Variants in PTGER3 observed in about 807,000 individuals in gnomAD.
The protein encoded by PTGER3 is prostaglandin E2 receptor EP3 subtype.
Under a neutral mutation model 34.7 loss-of-function variants are expected in PTGER3, and 22 were observed. That is an observed-to-expected ratio of 0.63 (90% CI 0.45 to 0.91). The LOEUF is 0.91. PTGER3 is among the 40% of genes least tolerant of loss of function. The pLI is 0.00. For missense variants in PTGER3, 468 were observed against 519.4 expected, an observed-to-expected ratio of 0.90 and a Z score of 0.96; for synonymous variants, 241 against 230.1, an observed-to-expected ratio of 1.05 and a Z score of -0.43.
chr1:70,945,051 G>T (rs2100559025), intron 4 of PTGER3, among the ~76,000 whole-genome samples: 1 of 152,244 alleles, frequency 6.6e-6, no homozygotes, highest in African/African-American at 2.4e-5. Context: ...TAAATAACTT[G>T]ATTAAAGTCC....
At chr1:70,952,672 G>A (rs1650876835) in exon 4 of PTGER3, 15 of 1,146,730 alleles carry the variant, frequency 1.3e-5, no homozygotes, top group Non-Finnish European at 1.3e-5. Context: ...TGAACCATGT[G>A]CTATTCTTAC....
In PTGER3 at chr1:71,047,688, GC is replaced by G. The variant is rs1279562469; in HGVS notation, c.-112del. ...CGTTTACCGCGGCTGGGGCTGGGCT[GC>G]CCCCCATGGTGCGGGGCGCAGCCGC... On this transcript the variant is annotated 5_prime_UTR_variant, in exon 1 of 4. The change creates a premature stop within an existing upstream ORF in the 5' untranslated region. Coordinates refer to ENST00000306666, the MANE Select transcript of PTGER3 (RefSeq NM_198719.2). 12 of 1,287,298 alleles carry G rather than the reference GC, an allele frequency of 9.3e-6. No individual in the cohort carries two copies. In the African/African-American group the frequency reaches 9.3e-5, roughly 10 times the overall value. The allele number at this position is 1,287,298 out of a possible 1,614,324, so 79.7% of individuals were successfully genotyped here.
chr1:70,908,417 T>TA (rs1436270165), intron 4 of PTGER3, among the ~76,000 whole-genome samples: 1 of 152,164 alleles, frequency 6.6e-6, no homozygotes, highest in African/African-American at 2.4e-5. Context: ...GGTGTACTGA[T>TA]ACCTCAGCTC....
intron 1 of PTGER3, among the ~76,000 whole-genome samples, chr1:71,019,144 C>A (rs1658178389): frequency 6.6e-6 from 1 of 152,146 alleles, no homozygotes; most frequent in Non-Finnish European, 1.5e-5. Flanking sequence ...ACTGTTTAGA[C>A]TTTGAGAGAA....
intron 2 of PTGER3, chr1:71,010,471 T>C: frequency 4.1e-6 from 4 of 983,950 alleles, no homozygotes; most frequent in Non-Finnish European, 4.8e-6. Flanking sequence ...GGTGCTATAC[T>C]AGATGCTGGA....
At chr1:70,955,656 C>T (rs947220150) in intron 2 of PTGER3, among the ~76,000 whole-genome samples, 2 of 152,198 alleles carry the variant, frequency 1.3e-5, no homozygotes, top group Admixed American at 6.5e-5. Context: ...ATCCATCCTG[C>T]CCTTGTCCTC....
intron 4 of PTGER3, among the ~76,000 whole-genome samples, chr1:70,898,184 A>G (rs1005777944): frequency 6.6e-6 from 1 of 152,172 alleles, no homozygotes; most frequent in African/African-American, 2.4e-5. Flanking sequence ...GGTCTTATCA[A>G]GAAGGACTTC....
intron 2 of PTGER3, chr1:71,006,744 C>T: frequency 1.0e-6 from 1 of 985,170 alleles, no homozygotes; most frequent in Non-Finnish European, 1.2e-6. Flanking sequence ...TGTTGCATTA[C>T]ATTGTGCTAT....
intron 4 of PTGER3, among the ~76,000 whole-genome samples, chr1:70,905,916 C>T (rs11209713): frequency 0.22 from 33,563 of 151,976 alleles, 3,889 homozygotes; most frequent in South Asian, 0.27. Context: ...TCATCTTGAA[C>T]TGTAACTCTC....
intron 2 of PTGER3, among the ~76,000 whole-genome samples, chr1:70,982,969 T>G (rs1654531828): frequency 6.6e-6 from 1 of 151,976 alleles, no homozygotes; most frequent in African/African-American, 2.4e-5. Flanking sequence ...CAATTAAAAA[T>G]AAGGTAAATC....
At chr1:70,927,133 T>TA (rs1648176410) in intron 4 of PTGER3, among the ~76,000 whole-genome samples, 1 of 152,264 alleles carries the variant, frequency 6.6e-6, no homozygotes, top group Admixed American at 6.5e-5. Flanking sequence ...GATATTGGTC[T>TA]AAAATTCTCT....
At chr1:70,992,736 C>T (rs1655589548) in intron 2 of PTGER3, among the ~76,000 whole-genome samples, 1 of 152,144 alleles carries the variant, frequency 6.6e-6, no homozygotes, top group African/African-American at 2.4e-5. Flanking sequence ...ACTTGATTTC[C>T]TTTAGGGCTC....
intron 1 of PTGER3, among the ~76,000 whole-genome samples, chr1:71,035,976 C>G (rs1355534745): frequency 6.6e-6 from 1 of 152,210 alleles, no homozygotes; most frequent in East Asian, 1.9e-4. Flanking sequence ...TCTCAAATTA[C>G]CTTTCTCTTG....
At chr1:70,981,321 T>C (rs1654266225) in intron 2 of PTGER3, among the ~76,000 whole-genome samples, 2 of 52,642 alleles carry the variant, frequency 3.8e-5, no homozygotes, top group South Asian at 1.1e-3. Flanking sequence ...CCTTCCTTTC[T>C]TCTTTCTTTC....
chr1:70,902,698 C>T (rs551687054), intron 4 of PTGER3, among the ~76,000 whole-genome samples: 5 of 152,278 alleles, frequency 3.3e-5, no homozygotes, highest in East Asian at 1.9e-4. Flanking sequence ...GAAAGTACAA[C>T]GGATATTCAG....
At chr1:70,904,284 T>C (rs1041590357) in intron 4 of PTGER3, among the ~76,000 whole-genome samples, 2 of 152,188 alleles carry the variant, frequency 1.3e-5, no homozygotes, top group African/African-American at 4.8e-5. Flanking sequence ...TATGTCTTTA[T>C]CAGTAGTGTG....
At chr1:71,002,699 T>C (rs1349257453) in intron 2 of PTGER3, among the ~76,000 whole-genome samples, 1 of 152,222 alleles carries the variant, frequency 6.6e-6, no homozygotes, top group Admixed American at 6.5e-5. Context: ...CTTCATGATA[T>C]GCCAATATTA....
chr1:70,858,687 A>T (rs1191936351), intron 4 of PTGER3, among the ~76,000 whole-genome samples: 1 of 152,214 alleles, frequency 6.6e-6, no homozygotes, highest in Non-Finnish European at 1.5e-5. Flanking sequence ...TCAGATGAAA[A>T]TGACATAAAA....
At chr1:70,886,921 C>T (rs1646511005) in intron 4 of PTGER3, among the ~76,000 whole-genome samples, 1 of 152,128 alleles carries the variant, frequency 6.6e-6, no homozygotes, top group Non-Finnish European at 1.5e-5. Context: ...AAATACTTCT[C>T]CTCACTGCTT....
Sources: allele counts gnomAD v4.1 joint callset (sites outside exome capture counted in the v4.1 genomes callset), GRCh38; gene constraint gnomAD v4.1.1; transcripts MANE v1.5; gene names NCBI Gene and HGNC (gene_info 2026-07-23, HGNC 2026-07-21).